The following ASXL3 variants were observed in gnomAD, a reference collection of about 807,000 sequenced individuals.
ASXL3 encodes the protein ASXL transcriptional regulator 3.
A neutral mutation model predicts 170.6 loss-of-function variants in ASXL3; 34 were observed. The observed-to-expected ratio is 0.20, with a 90% CI of 0.15 to 0.27. The LOEUF is 0.27. ASXL3 is among the 10% of genes least tolerant of loss of function. ASXL3 has a pLI of 1.00. For missense variants in ASXL3, 2,592 were observed against 2,695.3 expected, an observed-to-expected ratio of 0.96 and a Z score of 0.85; for synonymous variants, 1,002 against 989.1, an observed-to-expected ratio of 1.01 and a Z score of -0.24.
At position 33,744,109 on chromosome 18, in the gene ASXL3, C is replaced by T. The variant is rs1310412833; in HGVS notation, c.4261C>T (p.Leu1421=). The T allele has an allele frequency of 6.2e-7, 1 of 1,613,914 alleles. No individual in the cohort carries two copies. The highest frequency in any genetic ancestry group is 8.5e-7 in the Non-Finnish European group (1 of 1,179,908). Reference sequence around the variant, plus strand: ...CGTCGCAATGTTTACTGGAAACATGCTGACAATAAACTCTTATGATAGTCC... The same window carrying T: ...CGTCGCAATGTTTACTGGAAACATGTTGACAATAAACTCTTATGATAGTCC... ...PTVAMFTGNM[L]TINSYDSPPK... The change falls in exon 12 of 12, where the codon CTG becomes TTG. Residue 1421 remains leucine (L), a synonymous_variant. Transcript: ENST00000269197.
rs548986134 is a variant in ASXL3, at chr18:33,747,811, T to C, written c.*1216T>C. The C allele has an allele frequency of 2.0e-5, 3 of 152,330 alleles. No homozygotes were observed. The highest frequency in any genetic ancestry group is 1.9e-4 in the East Asian group (1 of 5,186). The allele number at this position is 152,330 out of a possible 1,614,324, so 9.4% of individuals were successfully genotyped here. A position where few individuals can be genotyped will look rare whatever the true frequency, so the allele number is the denominator to read the frequency against. On this transcript the variant is annotated 3_prime_UTR_variant, in exon 12 of 12. Coordinates refer to ENST00000269197, the MANE Select transcript of ASXL3 (RefSeq NM_030632.3). ...GGTATATTCAATACATTCTTCATAT[T>C]TGGGGGAACTGCTTTTGAAAAAGGG...
At chr18:33,629,428 T>G (rs1325852674) in intron 2 of ASXL3, among the ~76,000 whole-genome samples, 1 of 152,058 alleles carries the variant, frequency 6.6e-6, no homozygotes, top group Non-Finnish European at 1.5e-5. Flanking sequence ...TTTAGGAAGA[T>G]TGAAAAATGA....
At chr18:33,663,962 A>G (rs1469753908) in intron 5 of ASXL3, among the ~76,000 whole-genome samples, 1 of 151,986 alleles carries the variant, frequency 6.6e-6, no homozygotes, top group East Asian at 1.9e-4. Flanking sequence ...TATACATATG[A>G]TCTGTGTTTG....
In ASXL3 at chr18:33,743,216, C is replaced by T; in HGVS notation, c.3368C>T (p.Thr1123Ile). The T allele has an allele frequency of 6.2e-7, 1 of 1,613,956 alleles. No individual in the cohort carries two copies. Among genetic ancestry groups the T allele is most frequent in the Non-Finnish European group, 8.5e-7 (1 of 1,179,870 alleles). Reference sequence around the variant, plus strand: ...CAAGCTCGAGCCCATCTCTTCCAGACCTCTAAAGAGACCCGGTTGCCTCCT... The same window carrying T: ...CAAGCTCGAGCCCATCTCTTCCAGATCTCTAAAGAGACCCGGTTGCCTCCT... ...KHQARAHLFQ[T>I]SKETRLPPPL... The change falls in exon 12 of 12, where the codon ACC becomes ATC. Residue 1123 changes from threonine to isoleucine, a missense_variant. Physicochemically the swap from Thr to Ile is moderately conservative, Grantham distance 89. Transcript: ENST00000269197.
At chr18:33,589,946 A>T (rs935800487) in intron 1 of ASXL3, among the ~76,000 whole-genome samples, 6 of 152,060 alleles carry the variant, frequency 3.9e-5, no homozygotes, top group African/African-American at 1.4e-4. Flanking sequence ...AGAAATTGAG[A>T]TTTAGAGTGT....
intron 1 of ASXL3, among the ~76,000 whole-genome samples, chr18:33,581,310 G>A (rs923728059): frequency 2.6e-5 from 4 of 152,044 alleles, no homozygotes; most frequent in African/African-American, 9.7e-5. Flanking sequence ...ATTAAATGAG[G>A]TGCCTGATTT....
chr18:33,675,120 T>C (rs1028757025), intron 7 of ASXL3, among the ~76,000 whole-genome samples: 10 of 152,192 alleles, frequency 6.6e-5, no homozygotes, highest in Non-Finnish European at 1.5e-5. Flanking sequence ...CTCAATGAGT[T>C]TGGAATGAAT....
chr18:33,721,701 A>G (rs1006796729), intron 8 of ASXL3, among the ~76,000 whole-genome samples: 1 of 152,082 alleles, frequency 6.6e-6, no homozygotes, highest in Admixed American at 6.6e-5. Flanking sequence ...GCTTGATTCC[A>G]TGCATACTTT....
intron 8 of ASXL3, among the ~76,000 whole-genome samples, chr18:33,685,080 A>G (rs1451538831): frequency 2.0e-5 from 3 of 152,196 alleles, no homozygotes; most frequent in Non-Finnish European, 2.9e-5. Flanking sequence ...ATACAAAGCC[A>G]TTGAGGGATT....
chr18:33,602,347 G>A (rs966982403), intron 1 of ASXL3, among the ~76,000 whole-genome samples: 9 of 152,042 alleles, frequency 5.9e-5, no homozygotes, highest in African/African-American at 2.2e-4. Context: ...ATAGAAAATT[G>A]TTAGTATCAT....
At chr18:33,630,258 T>G (rs1178782121) in intron 2 of ASXL3, among the ~76,000 whole-genome samples, 1 of 152,066 alleles carries the variant, frequency 6.6e-6, no homozygotes, top group African/African-American at 2.4e-5. Context: ...TTGAAATTCG[T>G]CCTTTTGTAA....
chr18:33,590,111 G>GTTTTTTTTTT (rs567969303), intron 1 of ASXL3, among the ~76,000 whole-genome samples: 8 of 83,182 alleles, frequency 9.6e-5, no homozygotes, highest in African/African-American at 3.4e-4. Context: ...TGCTTTCTAT[G>GTTTTTTTTTT]TTTTTTTTTT....
intron 8 of ASXL3, among the ~76,000 whole-genome samples, chr18:33,703,770 A>C (rs2066916918): frequency 6.6e-6 from 1 of 152,102 alleles, no homozygotes; most frequent in African/African-American, 2.4e-5. Flanking sequence ...CTTAAGTGAC[A>C]CAGATTCTTG....
rs572541435 is a variant in ASXL3 at position 33,599,306 on chromosome 18, G to T, written c.55-8288G>T. 5.9e-5 allele frequency among the ~76,000 whole-genome samples: 9 copies of T among 152,264 alleles called. No individual in the cohort carries two copies. The East Asian group carries it at 1.7e-3, about 29-fold the overall frequency. On this transcript the variant is annotated intron_variant, in intron 1 of 11. Coordinates refer to ENST00000269197, the MANE Select transcript of ASXL3 (RefSeq NM_030632.3). ...GTCATTTGATATAAGTCTGTTTATT[G>T]TAAAACTCATTCATAAGTGATGGAC...
chr18:33,734,426 GA>G lies in ASXL3; in HGVS notation c.1082+12del, dbSNP rs565850134. ...GTTTTATGGAGAAAAGTAAGTACTA[GA>G]GTATTTTTTCTCATTTCTCTGAGAA... On this transcript the variant is annotated intron_variant, in intron 10 of 11. Coordinates refer to ENST00000269197, the MANE Select transcript of ASXL3 (RefSeq NM_030632.3). 170 of 1,520,964 alleles carry G rather than the reference GA, an allele frequency of 1.1e-4. 1 individual carries two copies. In the East Asian group the frequency reaches 3.3e-3, roughly 29 times the overall value. 94.2% of individuals were successfully genotyped at this position (1,520,964 alleles called of 1,614,324 possible).
chr18:33,642,673 C>T (rs777306590), intron 2 of ASXL3, among the ~76,000 whole-genome samples: 4 of 151,812 alleles, frequency 2.6e-5, no homozygotes, highest in Non-Finnish European at 5.9e-5. Context: ...TATTGAGTTA[C>T]TAAACAGTAT....
At chr18:33,599,147 A>G (rs1270208928) in intron 1 of ASXL3, among the ~76,000 whole-genome samples, 1 of 152,198 alleles carries the variant, frequency 6.6e-6, no homozygotes, top group African/African-American at 2.4e-5. Context: ...GTAAGCATAT[A>G]GAAGCGGAAG....
At chr18:33,703,060 C>T (rs1295237283) in intron 8 of ASXL3, among the ~76,000 whole-genome samples, 2 of 151,996 alleles carry the variant, frequency 1.3e-5, no homozygotes, top group Non-Finnish European at 2.9e-5. Flanking sequence ...GGTTCAGGTC[C>T]CAAGGGAGCT....
chr18:33,660,333 A>G (rs896074602), intron 4 of ASXL3, among the ~76,000 whole-genome samples: 5 of 152,280 alleles, frequency 3.3e-5, no homozygotes, highest in Non-Finnish European at 7.4e-5. Flanking sequence ...GTATTAACAA[A>G]AAACTTGATT....
Sources: allele counts gnomAD v4.1 joint callset (sites outside exome capture counted in the v4.1 genomes callset), GRCh38; gene constraint gnomAD v4.1.1; transcripts MANE v1.5; gene names NCBI Gene and HGNC (gene_info 2026-07-23, HGNC 2026-07-21).